NEGR1: variants seen among roughly 807,000 people sequenced by gnomAD.
The protein encoded by NEGR1 is IgLON family member 4.
NEGR1 carries 10 observed loss-of-function variants against 40.9 expected under a neutral mutation model. The observed-to-expected ratio is 0.24, with a 90% confidence interval of 0.15 to 0.42. NEGR1 has a LOEUF of 0.42. Ranked by LOEUF, NEGR1 falls within the 10% of genes least tolerant of loss-of-function variation. The probability of loss-of-function intolerance (pLI) is 1.00; values close to 1 mark genes in which losing one functional copy is unlikely to be tolerated. For missense variants in NEGR1, 352 were observed against 438.9 expected (o/e 0.80, Z 1.77); for synonymous variants, 185 against 166.8 (o/e 1.11, Z -0.84).
intron 6 of NEGR1, among the ~76,000 whole-genome samples, chr1:71,560,385 T>TTATG (rs1335593437): frequency 6.9e-6 from 1 of 145,390 alleles, no homozygotes. Context: ...CTGATGCCCA[T>TTATG]TATGTATGAC....
At chr1:71,695,341 T>C (rs1324029177) in intron 4 of NEGR1, among the ~76,000 whole-genome samples, 2 of 151,734 alleles carry the variant, frequency 1.3e-5, no homozygotes, top group African/African-American at 2.4e-5. Flanking sequence ...CAAAACTGAT[T>C]GTTTAAATCA....
intron 3 of NEGR1, among the ~76,000 whole-genome samples, chr1:71,733,796 A>G (rs1654961464): frequency 6.6e-6 from 1 of 152,222 alleles, no homozygotes; most frequent in South Asian, 2.1e-4. Flanking sequence ...GCAGAATTAT[A>G]TATGTCATCT....
intron 1 of NEGR1, among the ~76,000 whole-genome samples, chr1:72,046,776 CAAAGA>C (rs1647006144): frequency 6.6e-6 from 1 of 151,352 alleles, no homozygotes; most frequent in Non-Finnish European, 1.5e-5. Context: ...AGATATAAGA[CAAAGA>C]AAACACTAAT....
chr1:72,171,298 C>T (rs1434662984), intron 1 of NEGR1, among the ~76,000 whole-genome samples: 1 of 152,080 alleles, frequency 6.6e-6, no homozygotes. Flanking sequence ...TATTAGAATG[C>T]TATATCTCTC....
chr1:72,124,128 T>C (rs1395123303), intron 1 of NEGR1, among the ~76,000 whole-genome samples: 1 of 151,992 alleles, frequency 6.6e-6, no homozygotes, highest in Non-Finnish European at 1.5e-5. Context: ...TCTCTTGCCT[T>C]GAGTTTTCTT....
chr1:71,745,322 C>T, intron 3 of NEGR1, among the ~76,000 whole-genome samples: 1 of 151,946 alleles, frequency 6.6e-6, no homozygotes, highest in East Asian at 1.9e-4. Context: ...GTCTAAAAAT[C>T]TTGGCTGGCT....
chr1:71,523,395 G>C (rs1647175850), intron 6 of NEGR1, among the ~76,000 whole-genome samples: 1 of 151,892 alleles, frequency 6.6e-6, no homozygotes, highest in South Asian at 2.1e-4. Flanking sequence ...TTCCTTACCT[G>C]TTCATATATT....
intron 1 of NEGR1, among the ~76,000 whole-genome samples, chr1:71,976,554 C>A (rs755368705): frequency 9.2e-5 from 14 of 152,062 alleles, no homozygotes; most frequent in East Asian, 1.9e-4. Context: ...TAGGAGCTGG[C>A]AGAATTTTTT....
At chr1:71,597,432 GTCTCTCTCTC>G (rs1158039041) in intron 5 of NEGR1, among the ~76,000 whole-genome samples, 6 of 60,746 alleles carry the variant, frequency 9.9e-5, no homozygotes, top group African/African-American at 3.3e-4. Flanking sequence ...ATATATATAT[GTCTCTCTCTC>G]TCTCTCTCTC....
At position 71,833,430 on chromosome 1, in the gene NEGR1, A is replaced by C. The variant is rs958529456; in HGVS notation, c.410-57133T>G. Among the ~76,000 whole-genome samples the C allele has an allele frequency of 2.0e-5, 3 of 152,188 alleles. No homozygotes were observed. The East Asian group carries it at 5.8e-4, about 30-fold the overall frequency. ...AAAATTATATACTGTGAAAGAAGAG[A>C]AAATTTATTTCTCCATGGTTGGTCA... On this transcript the variant is annotated intron_variant, in intron 2 of 6. Coordinates refer to ENST00000357731, the MANE Select transcript of NEGR1 (RefSeq NM_173808.3).
At chr1:71,835,250 G>A (rs191874736) in intron 2 of NEGR1, among the ~76,000 whole-genome samples, 112 of 152,124 alleles carry the variant, frequency 7.4e-4, no homozygotes, top group Middle Eastern at 3.4e-3. Flanking sequence ...TTTCTGCCAC[G>A]TTCTATTGGT....
intron 1 of NEGR1, among the ~76,000 whole-genome samples, chr1:72,122,800 T>C (rs1649852574): frequency 6.6e-6 from 1 of 151,932 alleles, no homozygotes; most frequent in South Asian, 2.1e-4. Context: ...TGGAATGCAG[T>C]TCTCTGTAAT....
intron 2 of NEGR1, among the ~76,000 whole-genome samples, chr1:71,791,022 T>A (rs894269512): frequency 6.6e-6 from 1 of 151,944 alleles, no homozygotes; most frequent in African/African-American, 2.4e-5. Context: ...AAAATGTAGA[T>A]AAAATGAACA....
At chr1:71,623,190 C>T (rs1290312346) in intron 4 of NEGR1, among the ~76,000 whole-genome samples, 1 of 151,690 alleles carries the variant, frequency 6.6e-6, no homozygotes, top group Non-Finnish European at 1.5e-5. Context: ...TTGTAAACTA[C>T]CCATTTCTCC....
intron 1 of NEGR1, among the ~76,000 whole-genome samples, chr1:72,221,118 A>G (rs1194859328): frequency 6.6e-6 from 1 of 152,052 alleles, no homozygotes; most frequent in Non-Finnish European, 1.5e-5. Context: ...CCATTCTCAT[A>G]TCTTCCTATA....
chr1:71,756,401 C>A (rs4650119), intron 3 of NEGR1, among the ~76,000 whole-genome samples: 7,826 of 51,460 alleles, frequency 0.15, 390 homozygotes, highest in East Asian at 0.44. Context: ...AAACAAAAAA[C>A]AAAAACAAAC....
At chr1:71,651,076 C>T (rs984528750) in intron 4 of NEGR1, among the ~76,000 whole-genome samples, 2 of 151,976 alleles carry the variant, frequency 1.3e-5, no homozygotes, top group Admixed American at 6.6e-5. Context: ...AGTATAGTAC[C>T]TGACACGTAT....
intron 2 of NEGR1, among the ~76,000 whole-genome samples, chr1:71,842,391 A>T (rs17091814): frequency 0.065 from 9,847 of 152,198 alleles, 539 homozygotes; most frequent in African/African-American, 0.14. Flanking sequence ...CTATCTTTCA[A>T]TGTCTGTTTC....
chr1:71,952,909 G>C (rs1195377666), intron 1 of NEGR1, among the ~76,000 whole-genome samples: 1 of 148,944 alleles, frequency 6.7e-6, no homozygotes, highest in Admixed American at 6.7e-5. Context: ...ATTTTTTACA[G>C]CTTGATGCAC....
Sources: allele counts gnomAD v4.1 joint callset (sites outside exome capture counted in the v4.1 genomes callset), GRCh38; gene constraint gnomAD v4.1.1; transcripts MANE v1.5; gene names NCBI Gene and HGNC (gene_info 2026-07-23, HGNC 2026-07-21).